The following PDE1A variants were observed in gnomAD, a reference collection of about 807,000 sequenced individuals.
The protein encoded by PDE1A is dual specificity calcium/calmodulin-dependent 3',5'-cyclic nucleotide phosphodiesterase 1A.
A neutral mutation model predicts 61.7 loss-of-function variants in PDE1A; 35 were observed. That is an observed-to-expected ratio of 0.57 (90% CI 0.43 to 0.75). The LOEUF (loss-of-function observed/expected upper bound fraction) is 0.75, where lower values mean the gene tolerates loss of function less well. Among genes scored for constraint, PDE1A ranks in the 30% least tolerant of loss-of-function variants. PDE1A has a pLI of 0.00. For synonymous variants in PDE1A, 232 were observed against 213.2 expected, an observed-to-expected ratio of 1.09 and a Z score of -0.77; for missense variants, 597 against 630.6, an observed-to-expected ratio of 0.95 and a Z score of 0.57.
At chr2:182,691,117 T>C in the PDE1A span, among the ~76,000 whole-genome samples, 1 of 152,198 alleles carries the variant, frequency 6.6e-6, no homozygotes, top group African/African-American at 2.4e-5. Context: ...AGGTAATTTA[T>C]AGATTCAATG....
the PDE1A span, among the ~76,000 whole-genome samples, chr2:182,598,577 C>A: frequency 1.0e-3 from 146 of 143,930 alleles, no homozygotes; most frequent in African/African-American, 3.0e-3. Flanking sequence ...AAAAAAAAAA[C>A]AAAAACAAGG....
intron 1 of PDE1A, among the ~76,000 whole-genome samples, chr2:182,345,028 G>A (rs1307112874): frequency 6.6e-6 from 1 of 152,102 alleles, no homozygotes; most frequent in Non-Finnish European, 1.5e-5. Flanking sequence ...GAATCAACCA[G>A]GATACCCTGG....
the PDE1A span, among the ~76,000 whole-genome samples, chr2:182,556,688 C>T: frequency 1.3e-5 from 2 of 152,086 alleles, no homozygotes; most frequent in East Asian, 3.8e-4. Context: ...ATGCACTGCC[C>T]TAATTTTATT....
At chr2:182,428,835 A>G (rs1366921618), upstream of PDE1A, among the ~76,000 whole-genome samples, 1 of 152,118 alleles carries the variant, frequency 6.6e-6, no homozygotes, top group Non-Finnish European at 1.5e-5. Context: ...TTAAAAATTA[A>G]CTTTCATTTT....
At chr2:182,238,705 G>A (rs1410244181) in intron 3 of PDE1A, among the ~76,000 whole-genome samples, 1 of 152,166 alleles carries the variant, frequency 6.6e-6, no homozygotes, top group African/African-American at 2.4e-5. Context: ...TTAGCACATT[G>A]ATTTCTTAAA....
intron 2 of PDE1A, among the ~76,000 whole-genome samples, chr2:182,484,102 G>T (rs961056106): frequency 6.6e-6 from 1 of 151,896 alleles, no homozygotes. Context: ...AATTGAATTA[G>T]CAATTAAATT....
intron 1 of PDE1A, among the ~76,000 whole-genome samples, chr2:182,425,334 T>C (rs1365292413): frequency 6.6e-6 from 1 of 152,128 alleles, no homozygotes; most frequent in African/African-American, 2.4e-5. Context: ...CTACATACAA[T>C]TGGAAGAACT....
chr2:182,237,765 G>C (rs1408783374), intron 3 of PDE1A, among the ~76,000 whole-genome samples: 3 of 152,184 alleles, frequency 2.0e-5, no homozygotes, highest in Non-Finnish European at 4.4e-5. Flanking sequence ...CATGTTGAAG[G>C]GTGGGGAGAA....
At chr2:182,645,367 G>T in the PDE1A span, among the ~76,000 whole-genome samples, 1 of 152,046 alleles carries the variant, frequency 6.6e-6, no homozygotes, top group African/African-American at 2.4e-5. Flanking sequence ...TTCTGTGAGG[G>T]CATTCTTTCT....
At chr2:182,665,418 A>G in the PDE1A span, among the ~76,000 whole-genome samples, 1 of 152,188 alleles carries the variant, frequency 6.6e-6, no homozygotes, top group Non-Finnish European at 1.5e-5. Flanking sequence ...GGACATGAAC[A>G]GACCCTTCTC....
chr2:182,501,680 AG>A (rs772525647), intron 2 of PDE1A, among the ~76,000 whole-genome samples: 5 of 152,196 alleles, frequency 3.3e-5, no homozygotes, highest in Admixed American at 6.5e-5. Flanking sequence ...CACTGATTCT[AG>A]TGCCCTATTC....
At chr2:182,234,867 C>T (rs1408497120) in intron 3 of PDE1A, among the ~76,000 whole-genome samples, 7 of 152,110 alleles carry the variant, frequency 4.6e-5, no homozygotes, top group Non-Finnish European at 1.0e-4. Flanking sequence ...CATTTATATG[C>T]CAAAATTTTT....
chr2:182,671,016 C>T, the PDE1A span, among the ~76,000 whole-genome samples: 2 of 151,962 alleles, frequency 1.3e-5, no homozygotes, highest in Non-Finnish European at 2.9e-5. Flanking sequence ...TGGGGTTTCA[C>T]GATGTTGGCC....
intron 13 of PDE1A, among the ~76,000 whole-genome samples, chr2:182,155,329 T>C: frequency 6.6e-6 from 1 of 152,032 alleles, no homozygotes; most frequent in South Asian, 2.1e-4. Flanking sequence ...ACTCAAGCAA[T>C]CTGCTCATCT....
At chr2:182,330,635 T>C (rs1370297990) in intron 1 of PDE1A, among the ~76,000 whole-genome samples, 1 of 152,138 alleles carries the variant, frequency 6.6e-6, no homozygotes, top group African/African-American at 2.4e-5. Context: ...CTGCCCTCTC[T>C]GCCTCTGAAC....
intron 2 of PDE1A, among the ~76,000 whole-genome samples, chr2:182,489,035 T>C (rs1024582862): frequency 3.3e-5 from 5 of 152,160 alleles, no homozygotes; most frequent in Non-Finnish European, 2.9e-5. Flanking sequence ...TAAGATAGAA[T>C]AAAAATGTAC....
chr2:182,364,485 A>AAAAACAAACAAC (rs1699714967), intron 1 of PDE1A, among the ~76,000 whole-genome samples: 1 of 146,600 alleles, frequency 6.8e-6, no homozygotes, highest in African/African-American at 2.5e-5. Context: ...AAAAAAAAAA[A>AAAAACAAACAAC]AAAAAAAAAA....
At chr2:182,317,490 G>C (rs975607083) in intron 1 of PDE1A, among the ~76,000 whole-genome samples, 2 of 152,122 alleles carry the variant, frequency 1.3e-5, no homozygotes, top group Admixed American at 1.3e-4. Context: ...TAGAAATGCA[G>C]ATAGGCAAGT....
intron 6 of PDE1A, among the ~76,000 whole-genome samples, chr2:182,229,157 T>A (rs1000942280): frequency 6.6e-6 from 1 of 152,156 alleles, no homozygotes; most frequent in Non-Finnish European, 1.5e-5. Flanking sequence ...AGTAGACTTT[T>A]ATTTGGCTCC....
Sources: allele counts gnomAD v4.1 joint callset (sites outside exome capture counted in the v4.1 genomes callset), GRCh38; gene constraint gnomAD v4.1.1; transcripts MANE v1.5; gene names NCBI Gene and HGNC (gene_info 2026-07-23, HGNC 2026-07-21).